The following PHLDB2 variants were observed in gnomAD, a reference collection of about 807,000 sequenced individuals.
The protein encoded by PHLDB2 is pleckstrin homology like domain family B member 2.
Under a neutral mutation model 123.6 loss-of-function variants are expected in PHLDB2, and 71 were observed. That is an observed-to-expected ratio of 0.57 (90% CI 0.47 to 0.70). The LOEUF (loss-of-function observed/expected upper bound fraction) is 0.70, where lower values mean the gene tolerates loss of function less well. Among genes scored for constraint, PHLDB2 ranks in the 30% least tolerant of loss-of-function variants. PHLDB2 has a pLI of 0.00. For synonymous variants in PHLDB2, 547 were observed against 541.6 expected (o/e 1.01, Z -0.14); for missense variants, 1,446 against 1,519.5 (o/e 0.95, Z 0.80).
chr3:111,898,182 T>TGTGTGTGTGTGTGTG (rs1553747095), intron 2 of PHLDB2, among the ~76,000 whole-genome samples: 21 of 142,658 alleles, frequency 1.5e-4, no homozygotes, highest in African/African-American at 5.1e-4. Flanking sequence ...GTGTGTGTGT[T>TGTGTGTGTGTGTGTG]TGTGTGTGTG....
intron 2 of PHLDB2, among the ~76,000 whole-genome samples, chr3:111,848,473 C>G (rs1179450718): frequency 6.6e-6 from 1 of 152,166 alleles, no homozygotes; most frequent in Non-Finnish European, 1.5e-5. Context: ...GCTCAGCAGG[C>G]TAGAGGAGTA....
intron 10 of PHLDB2, among the ~76,000 whole-genome samples, chr3:111,949,301 T>C (rs185854457): frequency 2.1e-4 from 32 of 152,194 alleles, no homozygotes; most frequent in Non-Finnish European, 3.7e-4. Context: ...AGTGGAGTAC[T>C]AGGAGAAGTA....
intron 1 of PHLDB2, among the ~76,000 whole-genome samples, chr3:111,869,772 T>C (rs914156759): frequency 6.6e-6 from 1 of 152,142 alleles, no homozygotes; most frequent in African/African-American, 2.4e-5. Flanking sequence ...TTGTAATAGG[T>C]TCAGTCTGAA....
intron 17 of PHLDB2, 46 bp from the exon 18 acceptor site, chr3:111,974,377 T>C (rs2072430334): frequency 6.6e-7 from 1 of 1,512,084 alleles, no homozygotes; most frequent in Non-Finnish European, 9.0e-7. Context: ...TAATGTTGTA[T>C]TTTAAGATGT....
intron 1 of PHLDB2, among the ~76,000 whole-genome samples, chr3:111,767,132 A>G (rs1042821802): frequency 2.0e-5 from 3 of 151,376 alleles, no homozygotes; most frequent in Non-Finnish European, 2.9e-5. Context: ...TTGCTATGGC[A>G]TCTGTCCCCA....
chr3:111,834,233 GTATA>G lies in PHLDB2; in HGVS notation c.-48-11585_-48-11582del, dbSNP rs1559858294. 3.0e-3 allele frequency among the ~76,000 whole-genome samples: 167 copies of G among 55,062 alleles called. 14 individuals carry two copies. Among genetic ancestry groups the G allele is most frequent in the Non-Finnish European group, 4.9e-3 (128 of 26,062 alleles). The allele number at this position is 55,062 out of a possible 152,430, so 36.1% of individuals were successfully genotyped here. On this transcript the variant is annotated intron_variant, in intron 1 of 17. Coordinates refer to the PHLDB2 transcript ENST00000393923. Reference sequence around the variant, plus strand: ...TGTAATAGAATTATATATATATTATGTATATAATAGAATTATATATATAATTCTA... The same window carrying G: ...TGTAATAGAATTATATATATATTATGTAATAGAATTATATATATAATTCTA...
At chr3:111,799,984 A>G (rs2108260639) in intron 1 of PHLDB2, among the ~76,000 whole-genome samples, 1 of 152,310 alleles carries the variant, frequency 6.6e-6, no homozygotes, top group South Asian at 2.1e-4. Context: ...TACTCCTCAT[A>G]AAGCATTTCT....
intron 7 of PHLDB2, among the ~76,000 whole-genome samples, chr3:111,939,888 G>T (rs2069752644): frequency 6.6e-6 from 1 of 152,190 alleles, no homozygotes; most frequent in Non-Finnish European, 1.5e-5. Flanking sequence ...TCAGATATTG[G>T]TTTTAAACTA....
intron 5 of PHLDB2, among the ~76,000 whole-genome samples, chr3:111,922,314 A>T (rs1349318321): frequency 6.6e-6 from 1 of 152,186 alleles, no homozygotes; most frequent in Non-Finnish European, 1.5e-5. Flanking sequence ...AAGCAAGTTG[A>T]GCCAATGTTA....
intron 2 of PHLDB2, among the ~76,000 whole-genome samples, chr3:111,897,966 A>G (rs747683023): frequency 6.6e-6 from 1 of 152,230 alleles, no homozygotes; most frequent in Non-Finnish European, 1.5e-5. Context: ...TATATTAAGT[A>G]TGCAACAGCA....
chr3:111,859,703 T>C, intron 1 of PHLDB2, 127 bp downstream of exon 1: 2 of 983,272 alleles, frequency 2.0e-6, no homozygotes, highest in Non-Finnish European at 2.4e-6. Flanking sequence ...TGCGGAGGGT[T>C]GGGGGCGGAG....
rs1312609304 is a variant in PHLDB2 at position 111,975,835 on chromosome 3, AC to A, written c.*1273del. 2.0e-5 allele frequency: 3 copies of A among 152,674 alleles called. No individual in the cohort carries two copies. Among genetic ancestry groups the A allele is most frequent in the African/African-American group, 7.2e-5 (3 of 41,460 alleles). 9.5% of individuals were successfully genotyped at this position (152,674 alleles called of 1,614,324 possible). ...GATGTAGAGAATAACAATATTACTT[AC>A]AAGATGAAATGATTAGATTAGAAGT... On this transcript the variant is annotated 3_prime_UTR_variant, in exon 18 of 18. Transcript: ENST00000431670.
chr3:111,751,783 A>G (rs1336335567), intron 1 of PHLDB2, among the ~76,000 whole-genome samples: 1 of 152,076 alleles, frequency 6.6e-6, no homozygotes, highest in Non-Finnish European at 1.5e-5. Context: ...GTACATGTAT[A>G]CATATGTAAC....
At chr3:111,925,977 T>A (rs2068791774) in intron 5 of PHLDB2, among the ~76,000 whole-genome samples, 1 of 152,268 alleles carries the variant, frequency 6.6e-6, no homozygotes, top group South Asian at 2.1e-4. Context: ...TCTGATTCAG[T>A]AGACGTGCTG....
At chr3:111,904,137 G>T (rs1280799722) in intron 2 of PHLDB2, among the ~76,000 whole-genome samples, 1 of 151,970 alleles carries the variant, frequency 6.6e-6, no homozygotes, top group Non-Finnish European at 1.5e-5. Flanking sequence ...AATTAGTCAG[G>T]TGTGGTGGCA....
chr3:111,767,030 C>CAAAA (rs5851783), intron 1 of PHLDB2, among the ~76,000 whole-genome samples: 2 of 63,020 alleles, frequency 3.2e-5, no homozygotes, highest in African/African-American at 1.1e-4. Flanking sequence ...GACTTCATCT[C>CAAAA]AAAAAAAAAA....
At chr3:111,810,857 TAATA>T (rs1294073003) in intron 1 of PHLDB2, among the ~76,000 whole-genome samples, 5 of 152,292 alleles carry the variant, frequency 3.3e-5, no homozygotes, top group South Asian at 4.1e-4. Flanking sequence ...GTATATAATA[TAATA>T]AATAAATACA....
At chr3:111,946,170 C>T (rs958301619) in intron 9 of PHLDB2, among the ~76,000 whole-genome samples, 4 of 152,034 alleles carry the variant, frequency 2.6e-5, no homozygotes, top group Non-Finnish European at 5.9e-5. Flanking sequence ...TACAGGTACC[C>T]GCCACCACAC....
intron 1 of PHLDB2, among the ~76,000 whole-genome samples, chr3:111,750,630 A>G (rs1327513719): frequency 6.6e-6 from 1 of 152,142 alleles, no homozygotes; most frequent in Non-Finnish European, 1.5e-5. Flanking sequence ...AAAAAGACTC[A>G]CATATGAGAA....
Sources: allele counts gnomAD v4.1 joint callset (sites outside exome capture counted in the v4.1 genomes callset), GRCh38; gene constraint gnomAD v4.1.1; transcripts MANE v1.5; gene names NCBI Gene and HGNC (gene_info 2026-07-23, HGNC 2026-07-21).